MAPK10: variants seen among roughly 807,000 people sequenced by gnomAD.
MAPK10 encodes the protein JNK3 alpha protein kinase.
MAPK10 carries 25 observed loss-of-function variants against 59.3 expected under a neutral mutation model. The ratio of observed to expected loss-of-function variants is 0.42; its 90% CI spans 0.31 to 0.59. MAPK10 has a LOEUF of 0.59. MAPK10 is among the 20% of genes least tolerant of loss of function. The probability of loss-of-function intolerance (pLI) is 0.15; values close to 1 mark genes in which losing one functional copy is unlikely to be tolerated. For synonymous variants in MAPK10, 190 were observed against 200.5 expected (o/e 0.95, Z 0.44); for missense variants, 351 against 568.9 (o/e 0.62, Z 3.90).
intron 2 of MAPK10, among the ~76,000 whole-genome samples, chr4:86,329,563 T>A (rs926892067): frequency 3.9e-5 from 6 of 152,190 alleles, no homozygotes; most frequent in Non-Finnish European, 5.9e-5. Context: ...GGTCTTGAGC[T>A]TGGTCCAAGC....
At chr4:86,394,942 T>C (rs771512389) in intron 1 of MAPK10, among the ~76,000 whole-genome samples, 1 of 152,158 alleles carries the variant, frequency 6.6e-6, no homozygotes, top group Non-Finnish European at 1.5e-5. Context: ...TATCAATATA[T>C]TCACGCACCT....
rs555988806 is a variant in MAPK10 at position 86,143,460 on chromosome 4, A to G, written c.236+15838T>C. ...CTGTCAGGATTCCTGTGTTTCTGTG[A>G]AACAGAATTGTCCTATTCCCTGGAA... is the stretch of plus-strand genomic sequence containing the variant. On this transcript the variant is annotated intron_variant, in intron 4 of 13. Coordinates refer to ENST00000641462, the MANE Select transcript of MAPK10 (RefSeq NM_138982.4). 2.6e-5 allele frequency among the ~76,000 whole-genome samples: 4 copies of G among 152,350 alleles called. No individual in the cohort carries two copies. The South Asian group carries it at 8.3e-4, about 32-fold the overall frequency.
intron 3 of MAPK10, among the ~76,000 whole-genome samples, chr4:86,188,083 C>G (rs1239196589): frequency 6.6e-6 from 1 of 152,090 alleles, no homozygotes; most frequent in Non-Finnish European, 1.5e-5. Flanking sequence ...ATGAACTCAT[C>G]CTTTTTATGG....
chr4:86,443,185 T>G (rs1749615660), intron 1 of MAPK10, among the ~76,000 whole-genome samples: 1 of 152,022 alleles, frequency 6.6e-6, no homozygotes, highest in Non-Finnish European at 1.5e-5. Flanking sequence ...ATGCCCAAAC[T>G]TTTGCAATTT....
At chr4:86,453,774 T>C (rs1750992321), upstream of MAPK10, among the ~76,000 whole-genome samples, 1 of 152,100 alleles carries the variant, frequency 6.6e-6, no homozygotes, top group Non-Finnish European at 1.5e-5. Context: ...TGATGCTCTC[T>C]TGAAAGCACC....
intron 4 of MAPK10, chr4:86,124,664 T>C (rs550035979): frequency 1.3e-5 from 2 of 152,170 alleles, no homozygotes; most frequent in South Asian, 4.1e-4. Context: ...AAATAATGCA[T>C]TCTCAAAGAC....
chr4:86,533,254 G>A (rs1757971111), intron 1 of MAPK10, among the ~76,000 whole-genome samples: 1 of 152,132 alleles, frequency 6.6e-6, no homozygotes, highest in Non-Finnish European at 1.5e-5. Flanking sequence ...AAAAGGGGGG[G>A]AAAATGAAGA....
chr4:86,559,282 CA>C (rs57481479), intron 1 of MAPK10, among the ~76,000 whole-genome samples: 1,424 of 135,490 alleles, frequency 0.011, 19 homozygotes, highest in African/African-American at 0.033. Context: ...GCTATCTTTC[CA>C]AAAAAAAAAA....
chr4:86,178,702 TAAGTA>T (rs1329218374), intron 3 of MAPK10, among the ~76,000 whole-genome samples: 1 of 152,056 alleles, frequency 6.6e-6, no homozygotes, highest in Non-Finnish European at 1.5e-5. Context: ...ACATTAGAAA[TAAGTA>T]AAGGGCATCC....
chr4:86,510,096 A>G (rs958225746), intron 1 of MAPK10, among the ~76,000 whole-genome samples: 1 of 152,146 alleles, frequency 6.6e-6, no homozygotes, highest in Non-Finnish European at 1.5e-5. Context: ...TAAATCTTTG[A>G]TAAATAAGCT....
chr4:86,542,697 G>T lies in MAPK10; in HGVS notation c.-263+51213C>A, dbSNP rs117719306. 3.9e-3 allele frequency: 607 copies of T among 154,486 alleles called. 14 individuals carry two copies. The East Asian group carries it at 0.047, about 12-fold the overall frequency. 9.6% of individuals were successfully genotyped at this position (154,486 alleles called of 1,614,324 possible). On this transcript the variant is annotated intron_variant, in intron 1 of 4. Coordinates refer to the MAPK10 transcript ENST00000502302. Reference sequence around the variant, plus strand: ...AGGTTCCAACTGTCAACATTTCTCAGATATATGTATGAGAAGACAAAATTT... The same window carrying T: ...AGGTTCCAACTGTCAACATTTCTCATATATATGTATGAGAAGACAAAATTT...
At chr4:86,554,751 C>G (rs1168166676) in intron 1 of MAPK10, among the ~76,000 whole-genome samples, 1 of 151,956 alleles carries the variant, frequency 6.6e-6, no homozygotes, top group Admixed American at 6.6e-5. Flanking sequence ...ATGATTACAC[C>G]CTCCCCTTTA....
Position 86,107,259 on chromosome 4 carries a change from C to T in MAPK10, c.330G>A (p.Arg110=), listed in dbSNP as rs2056715418. The change falls in exon 5 of 14, where the codon CGG becomes CGA. Residue 110 remains arginine (R), a synonymous_variant. Coordinates refer to ENST00000641462, the MANE Select transcript of MAPK10 (RefSeq NM_138982.4). ...QNQTHAKRAY[R]ELVLMKCVNH... ...TCACACACTTCATGAGGACCAGCTCCCGGTACGCTCTCTTGGCATGTGTTT... is the reference window on the plus strand; with the variant it reads ...TCACACACTTCATGAGGACCAGCTCTCGGTACGCTCTCTTGGCATGTGTTT... 2 of 1,613,076 alleles carry T rather than the reference C, an allele frequency of 1.2e-6. No homozygotes were observed. The highest frequency in any genetic ancestry group is 1.7e-5 in the Admixed American group (1 of 59,908).
At chr4:86,129,432 T>C (rs7692508) in intron 4 of MAPK10, among the ~76,000 whole-genome samples, 27,210 of 152,134 alleles carry the variant, frequency 0.18, 2,549 homozygotes, top group African/African-American at 0.21. Context: ...CTGCAATTGT[T>C]AGCTGGTTTT....
intron 1 of MAPK10, among the ~76,000 whole-genome samples, chr4:86,543,869 C>T (rs1758927375): frequency 6.6e-6 from 1 of 152,174 alleles, no homozygotes; most frequent in African/African-American, 2.4e-5. Flanking sequence ...AAGAAAAAGT[C>T]ATTTCACTAA....
At chr4:86,243,793 C>T (rs2092909125) in intron 2 of MAPK10, among the ~76,000 whole-genome samples, 1 of 134,420 alleles carries the variant, frequency 7.4e-6, no homozygotes, top group Non-Finnish European at 1.5e-5. Context: ...TTGTCGATAG[C>T]TAGCACTGTT....
In MAPK10 at chr4:86,418,246, G is replaced by GT. The variant is rs936312937; in HGVS notation, c.-122+34783dup. 1.6e-3 allele frequency among the ~76,000 whole-genome samples: 248 copies of GT among 151,436 alleles called. 1 individual carries two copies. The highest frequency in any genetic ancestry group is 4.5e-3 in the African/African-American group (184 of 41,296). On this transcript the variant is annotated intron_variant, in intron 1 of 13. Coordinates refer to the MAPK10 transcript ENST00000361569. ...ATGTACCTAAGAAAAAACAAATGAG[G>GT]TTTTTTTTTAACCTGGAGAGTTATT...
chr4:86,235,414 C>T (rs1300200235), intron 2 of MAPK10, among the ~76,000 whole-genome samples: 4 of 152,152 alleles, frequency 2.6e-5, no homozygotes, highest in Admixed American at 1.3e-4. Flanking sequence ...GTGCTATCTC[C>T]GGATCTGGGT....
At chr4:86,565,529 C>A (rs958877294) in intron 1 of MAPK10, among the ~76,000 whole-genome samples, 19 of 152,172 alleles carry the variant, frequency 1.2e-4, no homozygotes, top group African/African-American at 4.6e-4. Context: ...ACAGAAAGGT[C>A]TTCAAGGTCC....
Sources: gnomAD v4.1 joint callset for allele counts (sites outside exome capture counted in the v4.1 genomes callset) on GRCh38, gnomAD v4.1.1 for gene constraint, MANE v1.5 for transcripts, NCBI Gene and HGNC (gene_info 2026-07-23, HGNC 2026-07-21) for gene names.